The following GBE1 variants were observed in gnomAD, a reference collection of about 807,000 sequenced individuals.
GBE1 encodes the protein 1,4-alpha-glucan branching enzyme 1.
A neutral mutation model predicts 88.8 loss-of-function variants in GBE1; 70 were observed. That is an observed-to-expected ratio of 0.79 (90% CI 0.65 to 0.96). The LOEUF is 0.96. GBE1 is among the 40% of genes least tolerant of loss of function. GBE1 has a pLI of 0.00. For missense variants in GBE1, 872 were observed against 871.0 expected, an observed-to-expected ratio of 1.00 and a Z score of -0.01; for synonymous variants, 284 against 300.1, an observed-to-expected ratio of 0.95 and a Z score of 0.56.
chr3:81,719,431 G>A (rs1705989818), intron 1 of GBE1, among the ~76,000 whole-genome samples: 1 of 151,868 alleles, frequency 6.6e-6, no homozygotes, highest in Non-Finnish European at 1.5e-5. Flanking sequence ...TGGCCAGGCT[G>A]GTGTCAAACT....
chr3:81,501,983 C>G (rs1014199385), intron 14 of GBE1, among the ~76,000 whole-genome samples: 3 of 149,746 alleles, frequency 2.0e-5, no homozygotes, highest in African/African-American at 7.4e-5. Context: ...AATGAGCTAC[C>G]ATGCCTGGAA....
intron 12 of GBE1, among the ~76,000 whole-genome samples, chr3:81,549,371 A>G: frequency 6.6e-6 from 1 of 151,558 alleles, no homozygotes; most frequent in East Asian, 1.9e-4. Context: ...GCATAAGTGC[A>G]ATAAGAATCT....
At chr3:81,630,428 C>T (rs530145584) in intron 7 of GBE1, among the ~76,000 whole-genome samples, 6 of 151,994 alleles carry the variant, frequency 3.9e-5, no homozygotes, top group Non-Finnish European at 8.8e-5. Flanking sequence ...CATATGGAAA[C>T]GAAAAAGAGC....
intron 1 of GBE1, among the ~76,000 whole-genome samples, chr3:81,759,146 A>C (rs1706642820): frequency 6.6e-6 from 1 of 152,212 alleles, no homozygotes; most frequent in African/African-American, 2.4e-5. Context: ...GCCCAGTCTC[A>C]GGTATGTCTT....
At chr3:81,548,727 A>G (rs1042828754) in intron 12 of GBE1, among the ~76,000 whole-genome samples, 4 of 151,038 alleles carry the variant, frequency 2.6e-5, no homozygotes, top group African/African-American at 9.7e-5. Flanking sequence ...ATTACTTTGA[A>G]TAACTTTGGA....
At chr3:81,559,534 G>A (rs953169932) in intron 12 of GBE1, among the ~76,000 whole-genome samples, 10 of 151,634 alleles carry the variant, frequency 6.6e-5, no homozygotes, top group Non-Finnish European at 8.8e-5. Flanking sequence ...TTTATATGCT[G>A]TGGCACTCTG....
intron 1 of GBE1, among the ~76,000 whole-genome samples, chr3:81,750,593 A>C (rs1402539095): frequency 2.0e-4 from 12 of 60,454 alleles, no homozygotes; most frequent in Non-Finnish European, 1.7e-4. Flanking sequence ...ATATACGTAT[A>C]TATATATGTG....
At chr3:81,676,332 G>A (rs557535818) in intron 2 of GBE1, among the ~76,000 whole-genome samples, 1 of 152,136 alleles carries the variant, frequency 6.6e-6, no homozygotes, top group South Asian at 2.1e-4. Flanking sequence ...TCTTATGCTT[G>A]TCTAGTTTCT....
chr3:81,650,182 A>G (rs751325142), intron 3 of GBE1: 3 of 291,878 alleles, frequency 1.0e-5, no homozygotes, highest in Non-Finnish European at 1.9e-5. Context: ...AACCAGCCAT[A>G]AGAGTGCTTA....
intron 7 of GBE1, among the ~76,000 whole-genome samples, chr3:81,630,926 T>C (rs902181446): frequency 2.6e-5 from 4 of 152,284 alleles, no homozygotes; most frequent in Middle Eastern, 3.4e-3. Flanking sequence ...CCCTAGGCTG[T>C]GCATGGTGGC....
At chr3:81,507,481 G>A (rs865928931) in intron 14 of GBE1, among the ~76,000 whole-genome samples, 81 of 151,974 alleles carry the variant, frequency 5.3e-4, no homozygotes, top group African/African-American at 1.8e-3. Context: ...GGAGAATGGC[G>A]TGAACCTGGG....
intron 3 of GBE1, among the ~76,000 whole-genome samples, chr3:81,664,439 CAAA>C (rs5850531): frequency 0.026 from 2,323 of 89,530 alleles, 79 homozygotes; most frequent in African/African-American, 0.088. Flanking sequence ...TTGAATGTGT[CAAA>C]AAAAAAAAAA....
At chr3:81,678,471 C>G (rs1705293421) in intron 2 of GBE1, among the ~76,000 whole-genome samples, 1 of 152,118 alleles carries the variant, frequency 6.6e-6, no homozygotes, top group African/African-American at 2.4e-5. Flanking sequence ...ACAGTATTTA[C>G]ATTATGGTAC....
rs1053710141 is a variant in GBE1, at chr3:81,734,884, C to A, written c.143+26491G>T. 5.3e-5 allele frequency among the ~76,000 whole-genome samples: 8 copies of A among 152,220 alleles called. 1 individual carries two copies. The highest frequency in any genetic ancestry group is 1.9e-4 in the African/African-American group (8 of 41,534). On this transcript the variant is annotated intron_variant, in intron 1 of 15. Transcript: ENST00000429644. ...GTACAAAAATATTAAATGGAAAATT[C>A]CAGAAGTAAACATTCATAAGTTTTA...
chr3:81,527,765 A>G (rs1225942822), intron 14 of GBE1, among the ~76,000 whole-genome samples: 2 of 152,052 alleles, frequency 1.3e-5, no homozygotes, highest in African/African-American at 4.8e-5. Flanking sequence ...TTACACTGTT[A>G]GTGGGAATGT....
intron 12 of GBE1, among the ~76,000 whole-genome samples, chr3:81,549,082 G>A (rs1403246727): frequency 7.1e-6 from 1 of 141,606 alleles, no homozygotes; most frequent in Non-Finnish European, 1.5e-5. Flanking sequence ...CTAGGCTAGA[G>A]TGCAGTGGTG....
intron 7 of GBE1, among the ~76,000 whole-genome samples, chr3:81,620,158 G>C (rs1576172792): frequency 6.7e-6 from 1 of 150,256 alleles, no homozygotes; most frequent in East Asian, 2.0e-4. Context: ...AGCATGAGAA[G>C]GTCAAATTAT....
intron 1 of GBE1, among the ~76,000 whole-genome samples, chr3:81,742,473 C>T (rs567370045): frequency 6.6e-6 from 1 of 152,198 alleles, no homozygotes; most frequent in South Asian, 2.1e-4. Context: ...ATGTCTTCCC[C>T]TTAGTAATAA....
chr3:81,542,069 T>C (rs1262186032), intron 12 of GBE1, among the ~76,000 whole-genome samples: 1 of 152,010 alleles, frequency 6.6e-6, no homozygotes, highest in African/African-American at 2.4e-5. Context: ...TCTGTATATT[T>C]ATATCTATAT....
Sources: gnomAD v4.1 joint callset for allele counts (sites outside exome capture counted in the v4.1 genomes callset) on GRCh38, gnomAD v4.1.1 for gene constraint, MANE v1.5 for transcripts, NCBI Gene and HGNC (gene_info 2026-07-23, HGNC 2026-07-21) for gene names.